NFIB: variants seen among roughly 807,000 people sequenced by gnomAD.
The protein encoded by NFIB is nuclear factor I B.
A neutral mutation model predicts 61.5 loss-of-function variants in NFIB; 11 were observed. That is an observed-to-expected ratio of 0.18 (90% CI 0.11 to 0.30). The LOEUF (loss-of-function observed/expected upper bound fraction) is 0.30. Ranked by LOEUF, NFIB falls within the 10% of genes least tolerant of loss-of-function variation. The pLI is 1.00. For synonymous variants in NFIB, 260 were observed against 216.5 expected (o/e 1.20, Z -1.76); for missense variants, 471 against 608.9 (o/e 0.77, Z 2.38).
chr9:14,147,003 A>G (rs1344012351), intron 5 of NFIB, among the ~76,000 whole-genome samples, 196 bp from the exon 6 acceptor site: 1 of 152,168 alleles, frequency 6.6e-6, no homozygotes, highest in African/African-American at 2.4e-5. Flanking sequence ...TTATTAGACC[A>G]TCTTATACCT....
the NFIB span, among the ~76,000 whole-genome samples, chr9:14,456,816 C>A: frequency 6.6e-6 from 1 of 152,090 alleles, no homozygotes; most frequent in Non-Finnish European, 1.5e-5. Context: ...ATACTCTGAC[C>A]CAGCCATCCC....
intron 2 of NFIB, among the ~76,000 whole-genome samples, chr9:14,292,081 G>T (rs1384613169): frequency 6.6e-6 from 1 of 152,152 alleles, no homozygotes; most frequent in African/African-American, 2.4e-5. Flanking sequence ...GATAATACAA[G>T]ATGTTTAATC....
chr9:14,377,483 CTAGGATTACA>C (rs775090985), intron 1 of NFIB, among the ~76,000 whole-genome samples: 70 of 152,152 alleles, frequency 4.6e-4, no homozygotes, highest in Non-Finnish European at 8.8e-4. Flanking sequence ...TCCCAAAGTG[CTAGGATTACA>C]GGCAAGAGCC....
At chr9:14,160,412 C>T (rs1238934588) in intron 3 of NFIB, among the ~76,000 whole-genome samples, 5 of 151,902 alleles carry the variant, frequency 3.3e-5, no homozygotes, top group Non-Finnish European at 5.9e-5. Flanking sequence ...TTTTTACAGT[C>T]TACTGTGTTC....
Position 14,116,312 on chromosome 9 carries a change from G to C in NFIB, c.1280C>G (p.Pro427Arg). 6.5e-7 allele frequency: 1 copy of C among 1,534,614 alleles called. No individual in the cohort carries two copies. The highest frequency in any genetic ancestry group is 2.5e-5 in the East Asian group (1 of 40,274). The change falls in exon 9 of 11, where the codon CCT (proline) becomes CGT (arginine). Residue 427 changes from proline (P) to arginine (R), a missense_variant. By Grantham distance (103) the Pro-to-Arg change is moderately radical. Coordinates refer to ENST00000380953, the MANE Select transcript of NFIB (RefSeq NM_001190737.2). ...NGSGQVVGKV[P>R]GHFTPVLAPS... is the part of the protein sequence containing the mutation. Reference sequence around the variant, plus strand: ...TGCCAAGACAGGAGTGAAATGGCCAGGCACTTTCCCTACTACTTGACCACT... The same window carrying C: ...TGCCAAGACAGGAGTGAAATGGCCACGCACTTTCCCTACTACTTGACCACT...
upstream of NFIB, among the ~76,000 whole-genome samples, chr9:14,317,926 G>C (rs2060578455): frequency 6.6e-6 from 1 of 152,158 alleles, no homozygotes. Flanking sequence ...TCTGTGTCGT[G>C]GTATTAAGAG....
chr9:14,352,074 GAT>G (rs1428612525), intron 1 of NFIB, among the ~76,000 whole-genome samples: 2 of 152,110 alleles, frequency 1.3e-5, no homozygotes, highest in African/African-American at 4.8e-5. Flanking sequence ...TACCATGCCA[GAT>G]ATGTTACATA....
chr9:14,265,162 A>G (rs1410119059), intron 2 of NFIB, among the ~76,000 whole-genome samples: 1 of 152,200 alleles, frequency 6.6e-6, no homozygotes, highest in Non-Finnish European at 1.5e-5. Context: ...GGTTGTATCT[A>G]CCACTATAGA....
chr9:14,460,529 A>G, the NFIB span, among the ~76,000 whole-genome samples: 5 of 151,586 alleles, frequency 3.3e-5, no homozygotes, highest in African/African-American at 1.2e-4. Flanking sequence ...AAAAAAAAAG[A>G]GGGCTATTTC....
intron 6 of NFIB, among the ~76,000 whole-genome samples, chr9:14,130,415 C>T (rs987305143): frequency 4.6e-5 from 7 of 152,176 alleles, no homozygotes; most frequent in African/African-American, 7.2e-5. Context: ...CCTTATTCCA[C>T]GCATAGAACA....
At chr9:14,527,197 GA>G in the NFIB span, among the ~76,000 whole-genome samples, 1 of 151,902 alleles carries the variant, frequency 6.6e-6, no homozygotes, top group Admixed American at 6.6e-5. Context: ...AGACATGAAA[GA>G]AAAAAGTATA....
chr9:14,346,748 C>A (rs1193353387), intron 1 of NFIB, among the ~76,000 whole-genome samples: 3 of 152,184 alleles, frequency 2.0e-5, no homozygotes, highest in Admixed American at 6.5e-5. Context: ...GTGATGGTCA[C>A]CTGGCGGTGC....
At chr9:14,369,893 C>A (rs1277708421) in intron 1 of NFIB, among the ~76,000 whole-genome samples, 1 of 152,138 alleles carries the variant, frequency 6.6e-6, no homozygotes, top group Non-Finnish European at 1.5e-5. Flanking sequence ...ACTCTCATAA[C>A]CTAGAGCAGA....
chr9:14,349,216 C>G lies in NFIB; in HGVS notation c.109-41696G>C, dbSNP rs571646945. Among the ~76,000 whole-genome samples, 3 of 152,290 alleles carry G rather than the reference C, an allele frequency of 2.0e-5. No individual in the cohort carries two copies. The East Asian group carries it at 5.8e-4, about 29-fold the overall frequency. On this transcript the variant is annotated intron_variant, in intron 1 of 8. Transcript: ENST00000380934. ...AGCCTGTTGGGAGAATTTTTGGAAG[C>G]TAGCGGGGTGGGGGTTTGGTCTCGC...
At chr9:14,525,027 C>A in the NFIB span, among the ~76,000 whole-genome samples, 6 of 152,274 alleles carry the variant, frequency 3.9e-5, no homozygotes, top group African/African-American at 1.2e-4. Context: ...CAAAAAATTT[C>A]CCCCAGATGG....
chr9:14,141,874 T>A (rs2041746496), intron 6 of NFIB, among the ~76,000 whole-genome samples: 1 of 136,386 alleles, frequency 7.3e-6, no homozygotes, highest in Non-Finnish European at 1.5e-5. Flanking sequence ...GTTCTTTCAC[T>A]CTTTGCAATA....
At chr9:14,421,459 A>G in the NFIB span, among the ~76,000 whole-genome samples, 3 of 152,218 alleles carry the variant, frequency 2.0e-5, no homozygotes, top group African/African-American at 7.2e-5. Flanking sequence ...GAACACAACA[A>G]ATCAGTCAAA....
the NFIB span, among the ~76,000 whole-genome samples, chr9:14,477,412 T>C: frequency 3.3e-5 from 5 of 152,364 alleles, no homozygotes; most frequent in South Asian, 1.0e-3. Context: ...TGTCACCTAT[T>C]CAGATTTCTC....
chr9:14,345,551 T>A (rs2061007563), intron 1 of NFIB, among the ~76,000 whole-genome samples: 1 of 151,964 alleles, frequency 6.6e-6, no homozygotes, highest in Non-Finnish European at 1.5e-5. Context: ...GGGGTTCCTT[T>A]GTGAACGGGA....
Sources: allele counts gnomAD v4.1 joint callset (sites outside exome capture counted in the v4.1 genomes callset), GRCh38; gene constraint gnomAD v4.1.1; transcripts MANE v1.5; gene names NCBI Gene and HGNC (gene_info 2026-07-23, HGNC 2026-07-21).